The following FRA10AC1 variants were observed in gnomAD, a reference collection of about 807,000 sequenced individuals.
The protein encoded by FRA10AC1 is protein FRA10AC1.
A neutral mutation model predicts 56.5 loss-of-function variants in FRA10AC1; 43 were observed. The observed-to-expected ratio is 0.76, with a 90% CI of 0.60 to 0.98. The LOEUF (loss-of-function observed/expected upper bound fraction) is 0.98, where lower values mean the gene tolerates loss of function less well. Among genes scored for constraint, FRA10AC1 ranks in the 50% least tolerant of loss-of-function variants. The pLI is 0.00. For missense variants in FRA10AC1, 346 were observed against 351.8 expected (o/e 0.98, Z 0.13); for synonymous variants, 112 against 110.5 (o/e 1.01, Z -0.09).
chr10:93,692,753 T>G (rs1455935698), intron 5 of FRA10AC1, 24 bp from the exon 6 acceptor site: 1 of 1,506,304 alleles, frequency 6.6e-7, no homozygotes, highest in Admixed American at 2.2e-5. Flanking sequence ...CTTTTTCAAT[T>G]TAATACAAAA....
At chr10:93,674,235 C>T (rs2058808948) in intron 12 of FRA10AC1, 1 of 152,138 alleles carries the variant, frequency 6.6e-6, no homozygotes, top group Admixed American at 6.6e-5. Context: ...ATTATATGCA[C>T]ATTATTAAGA....
chr10:93,699,432 A>T (rs1476366129), intron 2 of FRA10AC1, among the ~76,000 whole-genome samples: 1 of 152,192 alleles, frequency 6.6e-6, no homozygotes, highest in Non-Finnish European at 1.5e-5. Flanking sequence ...AAAGTATAAA[A>T]CTGAGTTTCT....
chr10:93,686,636 T>C (rs1439386777), intron 8 of FRA10AC1, among the ~76,000 whole-genome samples: 1 of 131,868 alleles, frequency 7.6e-6, no homozygotes, highest in Admixed American at 8.1e-5. Context: ...AGCCAACTTA[T>C]GGAAGATATA....
chr10:93,685,737 C>G (rs10882300), intron 8 of FRA10AC1, among the ~76,000 whole-genome samples: 1 of 149,712 alleles, frequency 6.7e-6, no homozygotes, highest in East Asian at 1.9e-4. Context: ...ATACCCCCCC[C>G]AAAAAAAAAC....
At chr10:93,683,895 T>C (rs1453651094) in intron 10 of FRA10AC1, among the ~76,000 whole-genome samples, 161 bp downstream of exon 10, 2 of 152,188 alleles carry the variant, frequency 1.3e-5, no homozygotes, top group African/African-American at 4.8e-5. Context: ...AGCGGACTTC[T>C]AAACCCCTCG....
intron 11 of FRA10AC1, among the ~76,000 whole-genome samples, chr10:93,678,141 G>C (rs2133902359): frequency 6.6e-6 from 1 of 152,316 alleles, no homozygotes; most frequent in Non-Finnish European, 1.5e-5. Context: ...GAAGTGAGGA[G>C]AAGGGTGTCA....
At chr10:93,698,427 C>A in intron 2 of FRA10AC1, 31 bp from the exon 3 acceptor site, 2 of 1,266,040 alleles carry the variant, frequency 1.6e-6, no homozygotes, top group Non-Finnish European at 2.3e-6. Context: ...TAAGAGTTCA[C>A]TTTTTTCAAA....
intron 11 of FRA10AC1, 135 bp from the exon 12 acceptor site, chr10:93,676,826 T>G (rs1384033226): frequency 7.7e-7 from 1 of 1,302,570 alleles, no homozygotes; most frequent in Non-Finnish European, 9.9e-7. Context: ...TTTTCTAATC[T>G]TTCATGTTCC....
At chr10:93,692,574 A>T in intron 6 of FRA10AC1, 72 bp downstream of exon 6, 1 of 981,788 alleles carries the variant, frequency 1.0e-6, no homozygotes, top group South Asian at 1.4e-5. Flanking sequence ...CACCTTGACT[A>T]AAAAACCACT....
In FRA10AC1 at chr10:93,698,160, CCTT is replaced by C; in HGVS notation, c.192_194del (p.Arg65del). On this transcript the variant is annotated inframe_deletion, in exon 4 of 14. Coordinates refer to ENST00000359204, the MANE Select transcript of FRA10AC1 (RefSeq NM_145246.5). ...CAGCATCCATAGCTATGAGATGAAA[CCTT>C]CTATTTCTTGCTTCTTCCCTGTTAA... The C allele has an allele frequency of 3.2e-6, 5 of 1,579,432 alleles. No individual in the cohort carries two copies. Among genetic ancestry groups the C allele is most frequent in the African/African-American group, 1.4e-5 (1 of 73,576 alleles).
At chr10:93,693,473 GGTGT>G (rs201961056) in intron 5 of FRA10AC1, among the ~76,000 whole-genome samples, 1 of 118,740 alleles carries the variant, frequency 8.4e-6, no homozygotes, top group African/African-American at 3.5e-5. Context: ...AAGAAAATGT[GGTGT>G]GTGTGTATAT....
intron 1 of FRA10AC1, among the ~76,000 whole-genome samples, chr10:93,701,498 TTAAA>T (rs1180175416): frequency 2.0e-5 from 3 of 152,156 alleles, no homozygotes; most frequent in African/African-American, 7.2e-5. Context: ...GTTTAAATCT[TTAAA>T]TAACCTTTAA....
intron 11 of FRA10AC1, among the ~76,000 whole-genome samples, chr10:93,680,911 T>C (rs1258463480): frequency 1.3e-5 from 2 of 152,228 alleles, no homozygotes. Context: ...GTTCTAAGTA[T>C]AGGTGCACAG....
At chr10:93,683,202 A>C (rs2058966031) in intron 10 of FRA10AC1, among the ~76,000 whole-genome samples, 2 of 152,180 alleles carry the variant, frequency 1.3e-5, no homozygotes, top group Admixed American at 6.6e-5. Flanking sequence ...TACAGAGGTT[A>C]AGCAGTTTGC....
At chr10:93,687,843 A>G (rs1408459316) in intron 7 of FRA10AC1, 1 of 154,446 alleles carries the variant, frequency 6.5e-6, no homozygotes, top group Non-Finnish European at 1.4e-5. Context: ...ACAGTTGTAT[A>G]GTACTGGGCA....
At chr10:93,698,509 A>C (rs996365255) in intron 2 of FRA10AC1, 113 bp from the exon 3 acceptor site, 13 of 577,762 alleles carry the variant, frequency 2.3e-5, no homozygotes, top group African/African-American at 3.7e-5. Flanking sequence ...AACTTTAAGA[A>C]GACTCACTGA....
rs774789274 is a variant in FRA10AC1 at position 93,684,106 on chromosome 10, GAA to G, written c.626-10_626-9del. 1 of 1,601,432 alleles carries G rather than the reference GAA, an allele frequency of 6.2e-7. No individual in the cohort carries two copies. Among genetic ancestry groups the G allele is most frequent in the Non-Finnish European group, 8.5e-7 (1 of 1,169,868 alleles). ...AACATTCTTGGCATAACCCTAAAAA[GAA>G]AAGACACCACTGAATGGCTGATTTT... On this transcript the variant is annotated splice_polypyrimidine_tract_variant and intron_variant, in intron 9 of 13. Transcript: ENST00000359204.
In FRA10AC1 at chr10:93,670,864, A is replaced by G. The variant is rs763995368; in HGVS notation, c.827-16T>C. 1.7e-5 allele frequency: 27 copies of G among 1,577,452 alleles called. No homozygotes were observed. In the Admixed American group the frequency reaches 4.5e-4, roughly 27 times the overall value. Reference sequence around the variant, plus strand: ...TCAGAGTTTCCTGTTCATTTAAAAAAGATGATTTTTAAAAACCTATTATAC... The same window carrying G: ...TCAGAGTTTCCTGTTCATTTAAAAAGGATGATTTTTAAAAACCTATTATAC... On this transcript the variant is annotated splice_polypyrimidine_tract_variant and intron_variant, in intron 12 of 13. Transcript: ENST00000359204.
rs561510812 is a variant in FRA10AC1, at chr10:93,702,515, A to AACCACCACC, written c.-150_-142dup. On this transcript the variant is annotated 5_prime_UTR_variant, in exon 1 of 14. Coordinates refer to ENST00000359204, the MANE Select transcript of FRA10AC1 (RefSeq NM_145246.5). ...GCGCCCTGCCGCACAGCCTCGCCAC[A>AACCACCACC]ACCACCACCGCCGCCGCCGCCGCCG... The AACCACCACC allele has an allele frequency of 4.9e-5, 9 of 182,374 alleles. No individual in the cohort carries two copies. The highest frequency in any genetic ancestry group is 7.9e-5 in the Admixed American group (1 of 12,704). 11.3% of individuals were successfully genotyped at this position (182,374 alleles called of 1,614,324 possible). A position where few individuals can be genotyped will look rare whatever the true frequency, so the allele number is the denominator to read the frequency against.
Sources: gnomAD v4.1 joint callset for allele counts (sites outside exome capture counted in the v4.1 genomes callset) on GRCh38, gnomAD v4.1.1 for gene constraint, MANE v1.5 for transcripts, NCBI Gene and HGNC (gene_info 2026-07-23, HGNC 2026-07-21) for gene names.